ZBTB2: variants seen among roughly 807,000 people sequenced by gnomAD.
ZBTB2 encodes the protein zinc finger and BTB domain-containing protein 2.
ZBTB2 carries 2 observed loss-of-function variants against 39.5 expected under a neutral mutation model. The observed-to-expected ratio is 0.05, with a 90% CI of 0.02 to 0.16. The LOEUF (loss-of-function observed/expected upper bound fraction) is 0.16, where lower values mean the gene tolerates loss of function less well. Among genes scored for constraint, ZBTB2 ranks in the 10% least tolerant of loss-of-function variants. The probability of loss-of-function intolerance (pLI) is 1.00; values close to 1 mark genes in which losing one functional copy is unlikely to be tolerated. For missense variants in ZBTB2, 391 were observed against 653.0 expected (o/e 0.60, Z 4.37); for synonymous variants, 251 against 256.6 (o/e 0.98, Z 0.21).
In ZBTB2 at chr6:151,366,384, C is replaced by A; in HGVS notation, c.682G>T (p.Asp228Tyr). ...EETNLEASSS[D>Y]EQPASLTIAH... ...ATTGTGAGGGACGCAGGCTGCTCATCGGAGGAAGATGCTTCCAGATTGGTC... is the reference window on the plus strand; with the variant it reads ...ATTGTGAGGGACGCAGGCTGCTCATAGGAGGAAGATGCTTCCAGATTGGTC... The change falls in exon 3 of 3, where the codon GAT becomes TAT. Residue 228 changes from aspartate (D) to tyrosine (Y), a missense_variant. Physicochemically the swap from Asp to Tyr is radical, Grantham distance 160. Coordinates refer to ENST00000325144, the MANE Select transcript of ZBTB2 (RefSeq NM_020861.3). This position sits in a 1 kb window ranked among gnomAD's most constrained non-coding sequence, Gnocchi z 7.1. The A allele has an allele frequency of 6.2e-7, 1 of 1,613,996 alleles. No individual in the cohort carries two copies. Among genetic ancestry groups the A allele is most frequent in the South Asian group, 1.1e-5 (1 of 91,072 alleles).
At position 151,373,727 on chromosome 6, in the gene ZBTB2, GATCATAGCTAACATGTC is replaced by G. The variant is rs562075167; in HGVS notation, c.-12-95_-12-79del. The G allele has an allele frequency of 9.1e-4, 1,231 of 1,349,424 alleles. 13 individuals carry two copies. The South Asian group carries it at 0.014, about 15-fold the overall frequency. 83.6% of individuals were successfully genotyped at this position (1,349,424 alleles called of 1,614,324 possible). A position where few individuals can be genotyped will look rare whatever the true frequency, so the allele number is the denominator to read the frequency against. ...GTCCTTTATAGTCACCAACAGTCATGATCATAGCTAACATGTCATCATAGCTAACGTGTCAGGCACTG... is the reference window on the plus strand; with the variant it reads ...GTCCTTTATAGTCACCAACAGTCATGATCATAGCTAACGTGTCAGGCACTG... On this transcript the variant is annotated intron_variant, in intron 1 of 2. Coordinates refer to ENST00000325144, the MANE Select transcript of ZBTB2 (RefSeq NM_020861.3).
At chr6:151,377,351 C>T (rs1562768097) in intron 1 of ZBTB2, among the ~76,000 whole-genome samples, 1 of 151,534 alleles carries the variant, frequency 6.6e-6, no homozygotes, top group East Asian at 1.9e-4. Flanking sequence ...CTCTGTAATG[C>T]TCTCAAAATA....
At position 151,366,906 on chromosome 6, in the gene ZBTB2, G is replaced by A. The variant is rs1392326588; in HGVS notation, c.174-14C>T. 1.3e-6 allele frequency: 2 copies of A among 1,582,530 alleles called. No individual in the cohort carries two copies. The highest frequency in any genetic ancestry group is 1.8e-5 in the Admixed American group (1 of 55,468). On this transcript the variant is annotated splice_polypyrimidine_tract_variant and intron_variant, in intron 2 of 2. Transcript: ENST00000325144. The surrounding 1 kb of genome is among the most constrained non-coding windows in gnomAD (Gnocchi z 7.1). ...CGGACACACTCACTGAAAGAAACAA[G>A]TAAAAAAATACGTGAGTAAATGCCA... is the stretch of plus-strand genomic sequence containing the variant.
At chr6:151,377,328 T>G (rs777170871) in intron 1 of ZBTB2, among the ~76,000 whole-genome samples, 1 of 151,904 alleles carries the variant, frequency 6.6e-6, no homozygotes, top group Non-Finnish European at 1.5e-5. Flanking sequence ...CTCTATTTCT[T>G]GCAGCCGCAT....
chr6:151,373,852 A>AAAC, intron 1 of ZBTB2, among the ~76,000 whole-genome samples: 1 of 140,208 alleles, frequency 7.1e-6, no homozygotes, highest in Admixed American at 7.2e-5. Flanking sequence ...TTAAAAAAAA[A>AAAC]AAAAAAAAAA....
At chr6:151,383,977 G>A (rs997401868) in intron 1 of ZBTB2, among the ~76,000 whole-genome samples, 29 of 152,184 alleles carry the variant, frequency 1.9e-4, no homozygotes, top group South Asian at 1.2e-3. Context: ...CAGATGCTCC[G>A]GGAGAAGAAG....
At chr6:151,385,971 G>A (rs1293395627) in intron 1 of ZBTB2, among the ~76,000 whole-genome samples, 1 of 152,036 alleles carries the variant, frequency 6.6e-6, no homozygotes, top group African/African-American at 2.4e-5. Context: ...AAAGAGAGAG[G>A]CATAAACAGC....
intron 1 of ZBTB2, among the ~76,000 whole-genome samples, chr6:151,389,197 G>A (rs547362916): frequency 1.3e-5 from 2 of 152,236 alleles, no homozygotes; most frequent in South Asian, 4.1e-4. Context: ...CAAGGCGGGA[G>A]GATCACTTGA....
At chr6:151,387,089 G>A (rs926799022) in intron 1 of ZBTB2, among the ~76,000 whole-genome samples, 6 of 152,196 alleles carry the variant, frequency 3.9e-5, no homozygotes, top group Non-Finnish European at 2.9e-5. Flanking sequence ...GTTGGAAAAA[G>A]GAGATATATT....
intron 2 of ZBTB2, chr6:151,370,198 C>A (rs1297460221): frequency 1.9e-6 from 1 of 514,674 alleles, no homozygotes. Flanking sequence ...TGCAGTGACA[C>A]GATCTCGGCT....
At chr6:151,390,008 T>C (rs1019591478) in intron 1 of ZBTB2, among the ~76,000 whole-genome samples, 13 of 149,014 alleles carry the variant, frequency 8.7e-5, no homozygotes, top group Admixed American at 6.0e-4. Context: ...CCTCCCCGCC[T>C]TGGAGTCCGG....
rs950654699 is a variant in ZBTB2, at chr6:151,370,127, T to A, written c.174-3235A>T. 45 of 971,838 alleles carry A rather than the reference T, an allele frequency of 4.6e-5. No homozygotes were observed. In the Admixed American group the frequency reaches 2.5e-3, roughly 54 times the overall value. The allele number at this position is 971,838 out of a possible 1,614,324, so 60.2% of individuals were successfully genotyped here. Reference sequence around the variant, plus strand: ...TACATCTAAGTAGTTTCCAGATATGTTTGACATAACATTTTTTTTTGTTTT... The same window carrying A: ...TACATCTAAGTAGTTTCCAGATATGATTGACATAACATTTTTTTTTGTTTT... On this transcript the variant is annotated intron_variant, in intron 2 of 2. Coordinates refer to ENST00000325144, the MANE Select transcript of ZBTB2 (RefSeq NM_020861.3).
At position 151,365,468 on chromosome 6, in the gene ZBTB2, G is replaced by A. The variant is rs1239204149; in HGVS notation, c.*53C>T. On this transcript the variant is annotated 3_prime_UTR_variant, in exon 3 of 3. Transcript: ENST00000325144. This position sits in a 1 kb window ranked among gnomAD's most constrained non-coding sequence, Gnocchi z 5.6. ...ACTACAGTTCTGAATTCAGGGAAGG[G>A]AGGGAAGATAGTCTTTGTAAAAATG... 6.5e-7 allele frequency: 1 copy of A among 1,539,182 alleles called. No individual in the cohort carries two copies. The highest frequency in any genetic ancestry group is 8.7e-7 in the Non-Finnish European group (1 of 1,143,596).
At chr6:151,369,844 G>A (rs983271080) in intron 2 of ZBTB2, among the ~76,000 whole-genome samples, 5 of 152,102 alleles carry the variant, frequency 3.3e-5, no homozygotes, top group African/African-American at 4.8e-5. Flanking sequence ...GTGGTGGTGC[G>A]CAGCTGTAAC....
At chr6:151,367,189 C>T (rs566676773) in intron 2 of ZBTB2, among the ~76,000 whole-genome samples, 60 of 151,530 alleles carry the variant, frequency 4.0e-4, no homozygotes, top group Non-Finnish European at 7.2e-4. Context: ...GGCACAATCT[C>T]GGCTCACTGC....
chr6:151,380,504 T>C (rs1779009465), intron 1 of ZBTB2, among the ~76,000 whole-genome samples: 2 of 152,206 alleles, frequency 1.3e-5, no homozygotes, highest in African/African-American at 4.8e-5. Flanking sequence ...GTGGATGGCT[T>C]GGCTGAGGCC....
chr6:151,387,346 C>T (rs1204924110), intron 1 of ZBTB2, among the ~76,000 whole-genome samples: 7 of 133,530 alleles, frequency 5.2e-5, no homozygotes, highest in Middle Eastern at 3.8e-3. Flanking sequence ...CAGATCTTCT[C>T]AGTGTCAACA....
intron 1 of ZBTB2, among the ~76,000 whole-genome samples, chr6:151,391,043 G>A (rs1346628321): frequency 2.1e-5 from 1 of 47,674 alleles, no homozygotes. Context: ...CCGATCCGCC[G>A]CCCGCCCTCT....
At position 151,389,841 on chromosome 6, in the gene ZBTB2, G is replaced by C. The variant is rs1042786531; in HGVS notation, c.-13+1579C>G. Among the ~76,000 whole-genome samples the C allele has an allele frequency of 2.0e-5, 3 of 152,242 alleles. No homozygotes were observed. In the South Asian group the frequency reaches 6.2e-4, roughly 32 times the overall value. On this transcript the variant is annotated intron_variant, in intron 1 of 2. Transcript: ENST00000325144. ...GGCACTCGCCTGCTCTGCTACCCTC[G>C]CTTCTTTATTGCCTCTTTTACTACC...
Sources: gnomAD v4.1 joint callset for allele counts (sites outside exome capture counted in the v4.1 genomes callset) on GRCh38, gnomAD v4.1.1 for gene constraint, Gnocchi (gnomAD v3.1) non-coding constraint, MANE v1.5 for transcripts, NCBI Gene and HGNC (gene_info 2026-07-23, HGNC 2026-07-21) for gene names.